The following CALD1 variants were observed in gnomAD, a reference collection of about 807,000 sequenced individuals.
CALD1 encodes the protein caldesmon 1, also known as caldesmon.
A neutral mutation model predicts 99.9 loss-of-function variants in CALD1; 33 were observed. The observed-to-expected ratio is 0.33, with a 90% CI of 0.25 to 0.44. CALD1 has a LOEUF of 0.44. Ranked by LOEUF, CALD1 falls within the 20% of genes least tolerant of loss-of-function variation. The pLI is 1.00. For missense variants in CALD1, 861 were observed against 962.1 expected (o/e 0.89, Z 1.39); for synonymous variants, 310 against 325.0 (o/e 0.95, Z 0.50).
At chr7:134,949,991 T>C (rs1193382150) in intron 8 of CALD1, among the ~76,000 whole-genome samples, 1 of 152,218 alleles carries the variant, frequency 6.6e-6, no homozygotes, top group African/African-American at 2.4e-5. Context: ...AAAGCCATCC[T>C]GGGCATGATG....
In CALD1 at chr7:134,928,697, T is replaced by C. The variant is rs1047520301; in HGVS notation, c.72-57T>C. 29 of 1,551,924 alleles carry C rather than the reference T, an allele frequency of 1.9e-5. No individual in the cohort carries two copies. In the Admixed American group the frequency reaches 3.9e-4, roughly 21 times the overall value. On this transcript the variant is annotated intron_variant, in intron 3 of 14. Coordinates refer to ENST00000361675, the MANE Select transcript of CALD1 (RefSeq NM_033138.4). ...GCTCAGGGCTGTTCCTGCCAAGAGG[T>C]TGGTGAAGACACGTGGCAAGTGGCA...
chr7:134,933,132 C>T lies in CALD1; in HGVS notation c.363C>T (p.Phe121=), dbSNP rs764793309. 1.1e-5 allele frequency: 18 copies of T among 1,613,268 alleles called. No homozygotes were observed. The East Asian group carries it at 1.3e-4, about 12-fold the overall frequency. The change falls in exon 5 of 15, where the codon TTC becomes TTT. Residue 121 remains phenylalanine, a synonymous_variant. Coordinates refer to ENST00000361675, the MANE Select transcript of CALD1 (RefSeq NM_033138.4). ...LQEALERQKE[F]DPTITDASLS... is the part of the protein sequence containing the mutation. Reference sequence around the variant, plus strand: ...AGGCTCTGGAGCGGCAGAAGGAGTTCGACCCAACAATAACAGATGCAAGTC... The same window carrying T: ...AGGCTCTGGAGCGGCAGAAGGAGTTTGACCCAACAATAACAGATGCAAGTC...
intron 3 of CALD1, among the ~76,000 whole-genome samples, chr7:134,916,816 T>C (rs549364187): frequency 6.6e-6 from 1 of 152,376 alleles, no homozygotes; most frequent in African/African-American, 2.4e-5. Context: ...GACTTTAGTA[T>C]TGCATCACAT....
chr7:134,726,535 A>G, the CALD1 span, among the ~76,000 whole-genome samples: 1 of 146,868 alleles, frequency 6.8e-6, no homozygotes, highest in Non-Finnish European at 1.5e-5. Flanking sequence ...TATATATATA[A>G]AGATCAGGAC....
chr7:134,871,333 T>C (rs897944313), intron 3 of CALD1, among the ~76,000 whole-genome samples: 1 of 152,166 alleles, frequency 6.6e-6, no homozygotes, highest in South Asian at 2.1e-4. Flanking sequence ...AAAAGAAAGA[T>C]TTCATCCCTG....
the CALD1 span, among the ~76,000 whole-genome samples, chr7:134,722,393 GTTTA>G: frequency 0.019 from 2,855 of 150,856 alleles, 31 homozygotes; most frequent in African/African-American, 0.029. Flanking sequence ...GTTCGATTTT[GTTTA>G]TTTATTTATT....
chr7:134,949,942 G>A (rs1191637844), intron 8 of CALD1, among the ~76,000 whole-genome samples: 1 of 151,866 alleles, frequency 6.6e-6, no homozygotes, highest in African/African-American at 2.4e-5. Flanking sequence ...GTCTCATAAT[G>A]TTTTAAGAAA....
At chr7:134,864,850 C>T (rs1454620766) in intron 2 of CALD1, among the ~76,000 whole-genome samples, 4 of 152,170 alleles carry the variant, frequency 2.6e-5, no homozygotes, top group Middle Eastern at 6.8e-3. Flanking sequence ...TTGTTTTTCC[C>T]CTCTTTACAA....
intron 3 of CALD1, among the ~76,000 whole-genome samples, chr7:134,873,885 C>T (rs576234930): frequency 1.2e-4 from 19 of 152,210 alleles, no homozygotes; most frequent in South Asian, 6.2e-4. Flanking sequence ...ATTCAATAAA[C>T]TCATTATTAA....
Position 134,920,825 on chromosome 7 carries a change from A to G in CALD1, c.72-7929A>G, listed in dbSNP as rs1804563101. The G allele has an allele frequency of 3.1e-5, 16 of 514,256 alleles. 1 individual carries two copies. The highest frequency in any genetic ancestry group is 2.6e-4 in the South Asian group (15 of 57,926). The allele number at this position is 514,256 out of a possible 1,614,324, so 31.9% of individuals were successfully genotyped here. A position where few individuals can be genotyped will look rare whatever the true frequency, so the allele number is the denominator to read the frequency against. On this transcript the variant is annotated intron_variant, in intron 3 of 14. Coordinates refer to ENST00000361675, the MANE Select transcript of CALD1 (RefSeq NM_033138.4). Reference sequence around the variant, plus strand: ...AATTTTAGGTGCAGAGTTCTTTTTCAAAATATAGGAATGTGCAGAAACAAT... The same window carrying G: ...AATTTTAGGTGCAGAGTTCTTTTTCGAAATATAGGAATGTGCAGAAACAAT...
In CALD1 at chr7:134,833,022, G is replaced by A. The variant is rs917097903; in HGVS notation, c.-129-10862G>A. ...ACTTTTCCTTATGAAGCTGCAAGAC[G>A]TGTTTTACACTTATCAGCTCTATTT... On this transcript the variant is annotated intron_variant, in intron 1 of 14. Transcript: ENST00000361675. Among the ~76,000 whole-genome samples the A allele has an allele frequency of 5.3e-5, 8 of 152,326 alleles. No individual in the cohort carries two copies. The East Asian group carries it at 5.8e-4, about 11-fold the overall frequency.
intron 2 of CALD1, among the ~76,000 whole-genome samples, chr7:134,867,310 G>A (rs1220324298): frequency 1.3e-5 from 2 of 151,976 alleles, no homozygotes; most frequent in Non-Finnish European, 2.9e-5. Context: ...TTTTCTGTTT[G>A]TCATTCCTGT....
rs58837080 is a variant in CALD1, at chr7:134,958,872, AATATATATATATATATATAT to A, written c.2061+601_2061+620del. On this transcript the variant is annotated intron_variant, in intron 11 of 14. Transcript: ENST00000361675. ...TAACGAATGGGTTTACTGGTATTTA[AATATATATATATATATATAT>A]ATATATATATATATATATTTAACTA... 6.0e-3 allele frequency among the ~76,000 whole-genome samples: 752 copies of A among 124,866 alleles called. 13 individuals are homozygous for A. Among genetic ancestry groups the A allele is most frequent in the African/African-American group, 0.022 (715 of 32,686 alleles). 81.9% of individuals were successfully genotyped at this position (124,866 alleles called of 152,430 possible). A position where few individuals can be genotyped will look rare whatever the true frequency, so the allele number is the denominator to read the frequency against.
At chr7:134,954,183 AAAGT>A (rs1243949472) in intron 9 of CALD1, among the ~76,000 whole-genome samples, 2 of 152,230 alleles carry the variant, frequency 1.3e-5, no homozygotes, top group Non-Finnish European at 2.9e-5. Context: ...CTTGTTTGGG[AAAGT>A]CTGTACCTAG....
chr7:134,958,872 AATATATATATATATATATATATAT>A (rs58837080), intron 11 of CALD1, among the ~76,000 whole-genome samples: 27 of 124,864 alleles, frequency 2.2e-4, no homozygotes, highest in African/African-American at 8.3e-4. Context: ...CTGGTATTTA[AATATATATATATATATATATATAT>A]ATATATATAT....
chr7:134,863,969 G>A (rs1411993267), intron 2 of CALD1, among the ~76,000 whole-genome samples: 1 of 152,152 alleles, frequency 6.6e-6, no homozygotes, highest in African/African-American at 2.4e-5. Context: ...GGAAAGTCCC[G>A]GAAGCCCTGG....
At chr7:134,839,833 G>A (rs1265367963) in intron 1 of CALD1, among the ~76,000 whole-genome samples, 1 of 152,108 alleles carries the variant, frequency 6.6e-6, no homozygotes, top group Admixed American at 6.5e-5. Flanking sequence ...GAGACTACAG[G>A]CATGCACCAC....
At chr7:134,737,300 A>AT in the CALD1 span, among the ~76,000 whole-genome samples, 80,433 of 150,576 alleles carry the variant, frequency 0.53, 22,836 homozygotes, top group East Asian at 0.81. Context: ...AATTTTTGTA[A>AT]TTTTTTTTTG....
intron 3 of CALD1, among the ~76,000 whole-genome samples, chr7:134,873,573 G>A (rs538853126): frequency 5.9e-5 from 9 of 152,302 alleles, no homozygotes; most frequent in African/African-American, 2.2e-4. Flanking sequence ...CCCAGAATTA[G>A]CTATGTCTGA....
Sources: allele counts gnomAD v4.1 joint callset (sites outside exome capture counted in the v4.1 genomes callset), GRCh38; gene constraint gnomAD v4.1.1; transcripts MANE v1.5; gene names NCBI Gene and HGNC (gene_info 2026-07-23, HGNC 2026-07-21).